The following MACROD2 variants were observed in gnomAD, a reference collection of about 807,000 sequenced individuals.
The protein encoded by MACROD2 is ADP-ribose glycohydrolase MACROD2.
A neutral mutation model predicts 70.4 loss-of-function variants in MACROD2; 36 were observed. The ratio of observed to expected loss-of-function variants is 0.51; its 90% CI spans 0.39 to 0.68. The LOEUF (loss-of-function observed/expected upper bound fraction) is 0.68. MACROD2 is among the 30% of genes least tolerant of loss of function. MACROD2 has a pLI of 0.00. For missense variants in MACROD2, 496 were observed against 538.4 expected (o/e 0.92, Z 0.78); for synonymous variants, 172 against 178.8 (o/e 0.96, Z 0.30).
intron 8 of MACROD2, among the ~76,000 whole-genome samples, chr20:15,746,929 C>T (rs754707435): frequency 6.6e-6 from 1 of 152,136 alleles, no homozygotes; most frequent in Non-Finnish European, 1.5e-5. Context: ...CTGGGGAAAG[C>T]ACTGACTTCC....
intron 6 of MACROD2, among the ~76,000 whole-genome samples, chr20:15,349,830 A>G (rs1194735695): frequency 6.6e-6 from 1 of 151,622 alleles, no homozygotes. Context: ...GAAGGGTCAC[A>G]GTAGAGAAAC....
intron 5 of MACROD2, among the ~76,000 whole-genome samples, chr20:14,916,271 C>T (rs2074090364): frequency 6.6e-6 from 1 of 152,172 alleles, no homozygotes; most frequent in African/African-American, 2.4e-5. Context: ...TTTCCTTTTA[C>T]ACTCCCTCTA....
At chr20:14,013,180 T>TA in intron 2 of MACROD2, among the ~76,000 whole-genome samples, 1 of 152,224 alleles carries the variant, frequency 6.6e-6, no homozygotes, top group East Asian at 1.9e-4. Context: ...TGCAAGTCTC[T>TA]AAAAAATGTT....
At chr20:14,228,067 A>G (rs1463558113) in intron 3 of MACROD2, among the ~76,000 whole-genome samples, 1 of 152,152 alleles carries the variant, frequency 6.6e-6, no homozygotes, top group Admixed American at 6.5e-5. Context: ...TTCTGTAAAA[A>G]ACTGGCTTGT....
intron 5 of MACROD2, among the ~76,000 whole-genome samples, chr20:15,144,635 C>T (rs2076217366): frequency 6.6e-6 from 1 of 152,114 alleles, no homozygotes; most frequent in Non-Finnish European, 1.5e-5. Flanking sequence ...CATAATTCAA[C>T]TTTGCACTCT....
intron 5 of MACROD2, among the ~76,000 whole-genome samples, chr20:14,701,854 T>C (rs2123637420): frequency 6.6e-6 from 1 of 152,306 alleles, no homozygotes; most frequent in South Asian, 2.1e-4. Flanking sequence ...TATTATCAAA[T>C]TTTAATCCTC....
At position 15,096,418 on chromosome 20, in the gene MACROD2, T is replaced by A. The variant is rs931909508; in HGVS notation, c.419-133522T>A. 6.2e-4 allele frequency among the ~76,000 whole-genome samples: 88 copies of A among 141,744 alleles called. 1 individual carries two copies. Among genetic ancestry groups the A allele is most frequent in the African/African-American group, 2.2e-3 (87 of 38,832 alleles). 93.0% of individuals were successfully genotyped at this position (141,744 alleles called of 152,430 possible). On this transcript the variant is annotated intron_variant, in intron 5 of 17. Coordinates refer to ENST00000684519, the MANE Select transcript of MACROD2 (RefSeq NM_001351661.2). ...TTCTCTTGGGAGTCTGTAATTATTT[T>A]AAAATATTAGCCATAAATCCCATGC...
intron 8 of MACROD2, among the ~76,000 whole-genome samples, chr20:15,503,980 A>G (rs186834771): frequency 3.3e-5 from 5 of 152,344 alleles, no homozygotes; most frequent in Non-Finnish European, 7.3e-5. Flanking sequence ...TTCCCCATAA[A>G]TAATTGAGGC....
chr20:14,332,119 A>G (rs1357336247), intron 3 of MACROD2, among the ~76,000 whole-genome samples: 1 of 152,152 alleles, frequency 6.6e-6, no homozygotes, highest in Non-Finnish European at 1.5e-5. Context: ...AAGAAGAAAA[A>G]CATAACCACC....
chr20:15,862,707 T>C (rs2064440997), intron 8 of MACROD2, 38 bp from the exon 9 acceptor site: 1 of 1,497,708 alleles, frequency 6.7e-7, no homozygotes, highest in Admixed American at 1.8e-5. Flanking sequence ...AATTGCCATA[T>C]TTTTTTTCAC....
intron 2 of MACROD2, among the ~76,000 whole-genome samples, chr20:14,040,248 C>G (rs559076437): frequency 2.0e-5 from 3 of 151,992 alleles, no homozygotes; most frequent in Non-Finnish European, 2.9e-5. Flanking sequence ...TATAGCATAG[C>G]CTATTAGTCC....
At chr20:14,518,767 T>G (rs925885306) in intron 4 of MACROD2, among the ~76,000 whole-genome samples, 1 of 152,140 alleles carries the variant, frequency 6.6e-6, no homozygotes, top group Non-Finnish European at 1.5e-5. Context: ...GCAAGGGAGA[T>G]AAGACTAAAG....
At chr20:14,210,978 T>C (rs1324882876) in intron 3 of MACROD2, among the ~76,000 whole-genome samples, 2 of 152,202 alleles carry the variant, frequency 1.3e-5, no homozygotes, top group African/African-American at 4.8e-5. Context: ...TAAGACCATA[T>C]GCATTGAGGT....
At chr20:14,133,517 T>C (rs1601260485) in intron 3 of MACROD2, among the ~76,000 whole-genome samples, 2 of 152,114 alleles carry the variant, frequency 1.3e-5, no homozygotes, top group East Asian at 3.9e-4. Context: ...AATAAACAAA[T>C]AAATGTATAT....
intron 8 of MACROD2, among the ~76,000 whole-genome samples, chr20:15,777,627 CTCCT>C (rs1272417852): frequency 1.7e-5 from 2 of 115,844 alleles, no homozygotes; most frequent in African/African-American, 7.5e-5. Context: ...CCCTCCCTCC[CTCCT>C]TCCTTCCTCT....
intron 13 of MACROD2, among the ~76,000 whole-genome samples, chr20:15,986,146 G>A (rs922996519): frequency 6.6e-6 from 1 of 152,200 alleles, no homozygotes; most frequent in African/African-American, 2.4e-5. Context: ...GGCTGGTGCC[G>A]GGCTGCCTGT....
At chr20:15,645,678 A>T (rs2049530342) in intron 8 of MACROD2, among the ~76,000 whole-genome samples, 1 of 152,210 alleles carries the variant, frequency 6.6e-6, no homozygotes, top group Non-Finnish European at 1.5e-5. Context: ...CCCTAAGAAA[A>T]TATCTTTCAA....
intron 8 of MACROD2, among the ~76,000 whole-genome samples, chr20:15,768,740 A>G (rs750608380): frequency 6.6e-6 from 1 of 152,244 alleles, no homozygotes; most frequent in Admixed American, 6.5e-5. Flanking sequence ...TTGTACAGCT[A>G]TACAAAAATA....
intron 5 of MACROD2, among the ~76,000 whole-genome samples, chr20:14,993,851 CT>C (rs201522006): frequency 0.021 from 3,244 of 152,208 alleles, 67 homozygotes; most frequent in Admixed American, 0.047. Context: ...TATAATCAAT[CT>C]TTATGAAATA....
Sources: gnomAD v4.1 joint callset for allele counts (sites outside exome capture counted in the v4.1 genomes callset) on GRCh38, gnomAD v4.1.1 for gene constraint, MANE v1.5 for transcripts, NCBI Gene and HGNC (gene_info 2026-07-23, HGNC 2026-07-21) for gene names.